The following AASS variants were observed in gnomAD, a reference collection of about 807,000 sequenced individuals.
The protein encoded by AASS is aminoadipate-semialdehyde synthase, also known as alpha-aminoadipic semialdehyde synthase, mitochondrial.
A neutral mutation model predicts 105.4 loss-of-function variants in AASS; 86 were observed. The ratio of observed to expected loss-of-function variants is 0.82; its 90% CI spans 0.69 to 0.98. The LOEUF (loss-of-function observed/expected upper bound fraction) is 0.98, where lower values mean the gene tolerates loss of function less well. AASS is among the 50% of genes least tolerant of loss of function. AASS has a pLI of 0.00. For synonymous variants in AASS, 381 were observed against 394.8 expected (o/e 0.96, Z 0.41); for missense variants, 1,048 against 1,143.2 (o/e 0.92, Z 1.20).
intron 1 of AASS, 41 bp downstream of exon 1, chr7:122,144,120 G>C (rs1188812544): frequency 6.6e-6 from 1 of 152,234 alleles, no homozygotes; most frequent in South Asian, 2.1e-4. Flanking sequence ...GCCCACCCGC[G>C]CGTCTGCTCA....
intron 2 of AASS, among the ~76,000 whole-genome samples, chr7:122,132,586 A>G (rs553044664): frequency 3.3e-5 from 5 of 152,338 alleles, no homozygotes; most frequent in Admixed American, 6.5e-5. Context: ...GTGACCACAC[A>G]TTGCCAACCA....
intron 1 of AASS, among the ~76,000 whole-genome samples, chr7:122,143,392 TTTC>T (rs1796490786): frequency 6.8e-6 from 1 of 146,730 alleles, no homozygotes; most frequent in East Asian, 2.2e-4. Flanking sequence ...GAAAAGCACA[TTTC>T]TTCTTCTGAA....
intron 11 of AASS, among the ~76,000 whole-genome samples, chr7:122,104,411 C>A (rs972839383): frequency 6.6e-6 from 1 of 152,086 alleles, no homozygotes; most frequent in African/African-American, 2.4e-5. Context: ...CCCTGGCCAA[C>A]ATGGTGAAAC....
rs1486636254 is a variant in AASS, at chr7:122,101,696, G to A, written c.1279-16C>T. 1 of 1,601,752 alleles carries A rather than the reference G, an allele frequency of 6.2e-7. No homozygotes were observed. The highest frequency in any genetic ancestry group is 8.5e-7 in the Non-Finnish European group (1 of 1,169,774). ...CTGATAATATCTGAAAGGAAAATGA[G>A]ATTTGTAAGAGATAAATGACACTGC... On this transcript the variant is annotated splice_polypyrimidine_tract_variant and intron_variant, in intron 11 of 23. Transcript: ENST00000417368.
In AASS at chr7:122,074,689, A is replaced by C. The variant is rs1195665706; in HGVS notation, c.*1800T>G. 2.0e-5 allele frequency among the ~76,000 whole-genome samples: 3 copies of C among 152,158 alleles called. No homozygotes were observed. Among genetic ancestry groups the C allele is most frequent in the Non-Finnish European group, 4.4e-5 (3 of 68,032 alleles). ...TAGGAGTCCAATTTCATTATTTTGC[A>C]TGTGGATATCCATGTTTCCAAGCAT... is the stretch of plus-strand genomic sequence containing the variant. On this transcript the variant is annotated 3_prime_UTR_variant, in exon 24 of 24. Coordinates refer to ENST00000417368, the MANE Select transcript of AASS (RefSeq NM_005763.4).
chr7:122,101,528 G>T, intron 12 of AASS, 90 bp from the exon 13 acceptor site: 1 of 1,475,922 alleles, frequency 6.8e-7, no homozygotes, highest in South Asian at 1.1e-5. Context: ...AAGACAGAAT[G>T]ACAAAGATGG....
intron 8 of AASS, 112 bp from the exon 9 acceptor site, chr7:122,115,334 A>G (rs1795116195): frequency 7.3e-7 from 1 of 1,379,046 alleles, no homozygotes; most frequent in Admixed American, 1.8e-5. Flanking sequence ...GTAACTTCTA[A>G]TTGATTTTCT....
chr7:122,090,542 C>A (rs56032125), intron 18 of AASS, among the ~76,000 whole-genome samples: 1 of 152,126 alleles, frequency 6.6e-6, no homozygotes, highest in African/African-American at 2.4e-5. Flanking sequence ...TTTCGATTCA[C>A]AAATACCTTG....
intron 4 of AASS, among the ~76,000 whole-genome samples, chr7:122,123,387 A>G (rs866652517): frequency 1.3e-5 from 2 of 152,186 alleles, no homozygotes; most frequent in African/African-American, 4.8e-5. Flanking sequence ...TTTTCCATCT[A>G]TCAAGGATCA....
chr7:122,074,631 A>T lies in AASS; in HGVS notation c.*1858T>A, dbSNP rs958150096. Among the ~76,000 whole-genome samples, 2 of 152,204 alleles carry T rather than the reference A, an allele frequency of 1.3e-5. No individual in the cohort carries two copies. The highest frequency in any genetic ancestry group is 2.9e-5 in the Non-Finnish European group (2 of 68,030). On this transcript the variant is annotated 3_prime_UTR_variant, in exon 24 of 24. Coordinates refer to ENST00000417368, the MANE Select transcript of AASS (RefSeq NM_005763.4). Reference sequence around the variant, plus strand: ...AGCTCTTACATTTAGATCTTAGGTCAACTTTGAGTTAATTTTTATATGCAA... The same window carrying T: ...AGCTCTTACATTTAGATCTTAGGTCTACTTTGAGTTAATTTTTATATGCAA...
chr7:122,080,964 T>C (rs1346909267), intron 20 of AASS, among the ~76,000 whole-genome samples: 1 of 152,212 alleles, frequency 6.6e-6, no homozygotes, highest in Non-Finnish European at 1.5e-5. Flanking sequence ...CTACTTCGCA[T>C]TCAGTTCCAA....
chr7:122,083,854 T>C (rs1793495240), intron 19 of AASS, among the ~76,000 whole-genome samples: 1 of 152,038 alleles, frequency 6.6e-6, no homozygotes, highest in South Asian at 2.1e-4. Context: ...GTATCTCATC[T>C]CCAATACTGG....
At chr7:122,117,063 G>A in intron 6 of AASS, 106 bp from the exon 7 acceptor site, 2 of 1,012,250 alleles carry the variant, frequency 2.0e-6, no homozygotes, top group Non-Finnish European at 3.1e-6. Context: ...AGCTCCACTT[G>A]CCTTCCCTAC....
chr7:122,116,306 C>A (rs537204622), intron 8 of AASS, among the ~76,000 whole-genome samples: 2 of 152,252 alleles, frequency 1.3e-5, no homozygotes, highest in African/African-American at 4.8e-5. Context: ...GCATTATGCT[C>A]TGCCCACAGT....
chr7:122,119,033 A>G (rs539773324), intron 4 of AASS, among the ~76,000 whole-genome samples: 32 of 152,224 alleles, frequency 2.1e-4, no homozygotes, highest in Non-Finnish European at 4.0e-4. Context: ...ACAAAAACAA[A>G]TGAACAAACA....
intron 18 of AASS, among the ~76,000 whole-genome samples, chr7:122,086,540 T>A (rs1467728611): frequency 2.6e-5 from 4 of 151,406 alleles, no homozygotes; most frequent in African/African-American, 9.6e-5. Context: ...ATTTTAATTT[T>A]TAAAAAATTT....
chr7:122,115,106 A>G lies in AASS; in HGVS notation c.1011T>C (p.Ala337=). The change falls in exon 9 of 24, where the codon GCT becomes GCC. Residue 337 remains alanine, a synonymous_variant. Transcript: ENST00000417368. ...SLLAPGKFSP[A]GVEGCPALPH... ...GTAATGCAGGGCAGCCTTCCACACC[A>G]GCAGGTGAGAACTTGCCCGGAGCCA... The G allele has an allele frequency of 3.1e-6, 5 of 1,614,200 alleles. No individual in the cohort carries two copies. Among genetic ancestry groups the G allele is most frequent in the Non-Finnish European group, 4.2e-6 (5 of 1,180,024 alleles).
intron 19 of AASS, 199 bp from the exon 20 acceptor site, chr7:122,081,794 C>A: frequency 5.2e-6 from 3 of 574,684 alleles, no homozygotes; most frequent in Non-Finnish European, 3.1e-6. Flanking sequence ...CACAACCCAC[C>A]AAAAAAGTAT....
chr7:122,116,745 T>C lies in AASS; in HGVS notation c.782A>G (p.Tyr261Cys), dbSNP rs770503998. 1.9e-6 allele frequency: 3 copies of C among 1,613,958 alleles called. No homozygotes were observed. The highest frequency in any genetic ancestry group is 2.7e-5 in the African/African-American group (2 of 74,924). ...VSQTGDLRKV[Y>C]GTVLSRHHHL... ...ATGATGACGACTTAACACCGTCCCA[T>C]ACACTTTTCTGAGGTCTTGAAAAGG... Residue 261 changes from tyrosine to cysteine, a missense_variant, in exon 8 of 24, where the codon TAT becomes TGT. Transcript: ENST00000417368.
Sources: allele counts gnomAD v4.1 joint callset (sites outside exome capture counted in the v4.1 genomes callset), GRCh38; gene constraint gnomAD v4.1.1; transcripts MANE v1.5; gene names NCBI Gene and HGNC (gene_info 2026-07-23, HGNC 2026-07-21).